SH3BGRL2: variants seen among roughly 807,000 people sequenced by gnomAD.
SH3BGRL2 encodes the protein SH3 domain-binding glutamic acid-rich-like protein 2.
Under a neutral mutation model 14.8 loss-of-function variants are expected in SH3BGRL2, and 21 were observed. The ratio of observed to expected loss-of-function variants is 1.42; its 90% CI spans 1.01 to 2.05. SH3BGRL2 has a LOEUF of 2.05. Among genes scored for constraint, SH3BGRL2 ranks in the 30% most tolerant of loss-of-function variants. The pLI is 0.00. For synonymous variants in SH3BGRL2, 50 were observed against 47.8 expected, an observed-to-expected ratio of 1.05 and a Z score of -0.19; for missense variants, 147 against 130.8, an observed-to-expected ratio of 1.12 and a Z score of -0.61.
chr6:79,542,094 T>C, the SH3BGRL2 span, among the ~76,000 whole-genome samples: 2 of 152,234 alleles, frequency 1.3e-5, no homozygotes, highest in Admixed American at 1.3e-4. Context: ...CCAGGACCAC[T>C]GCTCTGCCAG....
the SH3BGRL2 span, among the ~76,000 whole-genome samples, chr6:79,587,694 A>T: frequency 1.3e-5 from 2 of 152,208 alleles, no homozygotes; most frequent in African/African-American, 4.8e-5. Flanking sequence ...TGGTCTGATA[A>T]TTAAACTGAC....
At chr6:79,638,877 A>G (rs1768978062) in intron 1 of SH3BGRL2, among the ~76,000 whole-genome samples, 1 of 152,018 alleles carries the variant, frequency 6.6e-6, no homozygotes, top group South Asian at 2.1e-4. Context: ...CTTTTCTTCC[A>G]TTCTGTAGGT....
intron 1 of SH3BGRL2, among the ~76,000 whole-genome samples, chr6:79,648,443 G>A (rs1356786692): frequency 1.3e-5 from 2 of 150,052 alleles, no homozygotes; most frequent in African/African-American, 4.9e-5. Flanking sequence ...ATTGTGTCTA[G>A]TAAGATTGCC....
chr6:79,654,018 A>T (rs1462300531), intron 1 of SH3BGRL2, among the ~76,000 whole-genome samples: 1 of 152,176 alleles, frequency 6.6e-6, no homozygotes, highest in Non-Finnish European at 1.5e-5. Context: ...TCTTGGTGAG[A>T]ATAGTTGCGT....
the SH3BGRL2 span, among the ~76,000 whole-genome samples, chr6:79,588,177 C>T: frequency 6.6e-6 from 1 of 151,748 alleles, no homozygotes; most frequent in African/African-American, 2.4e-5. Context: ...TCTGTAGTCC[C>T]AGCTACTCGG....
the SH3BGRL2 span, among the ~76,000 whole-genome samples, chr6:79,586,676 C>T: frequency 1.3e-5 from 2 of 152,148 alleles, no homozygotes; most frequent in African/African-American, 2.4e-5. Flanking sequence ...CATGAACAGC[C>T]TGGCTATTCT....
At chr6:79,587,317 AG>A in the SH3BGRL2 span, among the ~76,000 whole-genome samples, 1 of 152,168 alleles carries the variant, frequency 6.6e-6, no homozygotes, top group South Asian at 2.1e-4. Flanking sequence ...TAGCCACCAC[AG>A]AGAACCTAAG....
At chr6:79,566,061 A>C in the SH3BGRL2 span, among the ~76,000 whole-genome samples, 1 of 152,164 alleles carries the variant, frequency 6.6e-6, no homozygotes, top group African/African-American at 2.4e-5. Flanking sequence ...TGCCAAGGTT[A>C]GTCTTGGGGT....
the SH3BGRL2 span, among the ~76,000 whole-genome samples, chr6:79,581,017 G>A: frequency 6.6e-6 from 1 of 152,108 alleles, no homozygotes; most frequent in Non-Finnish European, 1.5e-5. Flanking sequence ...ACACCTCTAC[G>A]CAAATAAACT....
At chr6:79,553,538 AAAC>A in the SH3BGRL2 span, among the ~76,000 whole-genome samples, 265 of 152,316 alleles carry the variant, frequency 1.7e-3, no homozygotes, top group African/African-American at 5.9e-3. Context: ...TGATGCAGAA[AAAC>A]AAGAAGGGTG....
chr6:79,558,864 AC>A, the SH3BGRL2 span, among the ~76,000 whole-genome samples: 1 of 152,118 alleles, frequency 6.6e-6, no homozygotes, highest in African/African-American at 2.4e-5. Flanking sequence ...CACAAAATGA[AC>A]CTGAAACATT....
chr6:79,659,040 G>A lies in SH3BGRL2; in HGVS notation c.46-14574G>A, dbSNP rs150281151. The stretch of plus-strand genomic sequence containing the variant: ...TTCTTTGTAGATTCTGGATATTAGC[G>A]CTTTGTCAGATGGGTAGATTGCAAA... On this transcript the variant is annotated intron_variant, in intron 1 of 3. Transcript: ENST00000369838. 2.4e-4 allele frequency among the ~76,000 whole-genome samples: 36 copies of A among 152,064 alleles called. 1 individual carries two copies. In the East Asian group the frequency reaches 5.2e-3, roughly 22 times the overall value.
At chr6:79,582,479 C>T in the SH3BGRL2 span, among the ~76,000 whole-genome samples, 3 of 152,110 alleles carry the variant, frequency 2.0e-5, no homozygotes. Flanking sequence ...GGAAATAACA[C>T]CACACATCTA....
At chr6:79,606,334 G>C in the SH3BGRL2 span, among the ~76,000 whole-genome samples, 1 of 152,200 alleles carries the variant, frequency 6.6e-6, no homozygotes, top group African/African-American at 2.4e-5. Flanking sequence ...CACACCTATA[G>C]CTACCTTCTT....
Position 79,699,946 on chromosome 6 carries a change from A to G in SH3BGRL2, c.*437A>G, listed in dbSNP as rs1770420468. On this transcript the variant is annotated 3_prime_UTR_variant, in exon 4 of 4. Transcript: ENST00000369838. ...CAAGTTGTTAGAATCTTTGAATCAGAAGGAAAAAAAGCAGCGCTGGTTGAC... is the reference window on the plus strand; with the variant it reads ...CAAGTTGTTAGAATCTTTGAATCAGGAGGAAAAAAAGCAGCGCTGGTTGAC... 6.0e-6 allele frequency: 1 copy of G among 167,512 alleles called. No individual in the cohort carries two copies. The highest frequency in any genetic ancestry group is 1.3e-5 in the Non-Finnish European group (1 of 78,934). 10.4% of individuals were successfully genotyped at this position (167,512 alleles called of 1,614,324 possible).
At chr6:79,570,033 G>T in the SH3BGRL2 span, among the ~76,000 whole-genome samples, 35 of 152,268 alleles carry the variant, frequency 2.3e-4, no homozygotes, top group African/African-American at 7.5e-4. Flanking sequence ...ACTTTGCTTT[G>T]TGCTGAGTAG....
At position 79,652,043 on chromosome 6, in the gene SH3BGRL2, A is replaced by T. The variant is rs549276453; in HGVS notation, c.45+20537A>T. Among the ~76,000 whole-genome samples the T allele has an allele frequency of 6.6e-5, 10 of 152,266 alleles. No homozygotes were observed. The East Asian group carries it at 1.4e-3, about 21-fold the overall frequency. On this transcript the variant is annotated intron_variant, in intron 1 of 3. Coordinates refer to ENST00000369838, the MANE Select transcript of SH3BGRL2 (RefSeq NM_031469.4). ...CCAAAAATGTCTTCAGACATTGCCA[A>T]ATGTCCCCCAGGAGGGCAAAATCAC...
the SH3BGRL2 span, among the ~76,000 whole-genome samples, chr6:79,573,518 T>C: frequency 6.6e-6 from 1 of 152,198 alleles, no homozygotes; most frequent in African/African-American, 2.4e-5. Flanking sequence ...TGACTCCTTC[T>C]TTGTTAAAGT....
intron 1 of SH3BGRL2, among the ~76,000 whole-genome samples, chr6:79,652,785 AAC>A (rs1769322400): frequency 6.6e-6 from 1 of 152,164 alleles, no homozygotes; most frequent in Non-Finnish European, 1.5e-5. Context: ...CACATCATGT[AAC>A]ACTATGTAAC....
Sources: allele counts gnomAD v4.1 joint callset (sites outside exome capture counted in the v4.1 genomes callset), GRCh38; gene constraint gnomAD v4.1.1; transcripts MANE v1.5; gene names NCBI Gene and HGNC (gene_info 2026-07-23, HGNC 2026-07-21).